KCNT2: variants seen among roughly 807,000 people sequenced by gnomAD.
KCNT2 encodes potassium sodium-activated channel subfamily T member 2.
Under a neutral mutation model 153.8 loss-of-function variants are expected in KCNT2, and 67 were observed. The ratio of observed to expected loss-of-function variants is 0.44; its 90% CI spans 0.36 to 0.53. The LOEUF (loss-of-function observed/expected upper bound fraction) is 0.53, where lower values mean the gene tolerates loss of function less well. Among genes scored for constraint, KCNT2 ranks in the 20% least tolerant of loss-of-function variants. The pLI, the probability that KCNT2 is intolerant of heterozygous loss-of-function variation, is 0.00. For synonymous variants in KCNT2, 500 were observed against 458.8 expected, an observed-to-expected ratio of 1.09 and a Z score of -1.15; for missense variants, 975 against 1,354.8, an observed-to-expected ratio of 0.72 and a Z score of 4.40.
At chr1:196,347,794 A>G (rs1385003656) in intron 14 of KCNT2, among the ~76,000 whole-genome samples, 1 of 152,168 alleles carries the variant, frequency 6.6e-6, no homozygotes, top group Non-Finnish European at 1.5e-5. Flanking sequence ...TCTTATGTCT[A>G]GGATTTTCCA....
intron 1 of KCNT2, among the ~76,000 whole-genome samples, chr1:196,576,214 C>T (rs1488785482): frequency 1.3e-5 from 2 of 151,592 alleles, no homozygotes; most frequent in Non-Finnish European, 2.9e-5. Context: ...TAACTCAAGG[C>T]TAGTAAACAT....
intron 8 of KCNT2, among the ~76,000 whole-genome samples, chr1:196,433,037 A>T (rs921867317): frequency 3.3e-5 from 5 of 152,050 alleles, no homozygotes; most frequent in African/African-American, 1.2e-4. Context: ...CATGAATAGA[A>T]TTAGCAACCT....
At chr1:196,353,471 C>T (rs924151945) in intron 14 of KCNT2, among the ~76,000 whole-genome samples, 13 of 151,980 alleles carry the variant, frequency 8.6e-5, no homozygotes, top group African/African-American at 3.1e-4. Flanking sequence ...CATGAAGGTT[C>T]CTCTCAGCAT....
At chr1:196,567,293 A>G (rs1660228474) in intron 1 of KCNT2, among the ~76,000 whole-genome samples, 1 of 152,010 alleles carries the variant, frequency 6.6e-6, no homozygotes, top group South Asian at 2.1e-4. Context: ...CTACTAGACC[A>G]CTATGCTTTC....
intron 13 of KCNT2, among the ~76,000 whole-genome samples, chr1:196,394,324 A>G (rs1370669409): frequency 6.6e-6 from 1 of 151,572 alleles, no homozygotes; most frequent in African/African-American, 2.4e-5. Context: ...GACTCTTTTG[A>G]AATAGCCTAA....
chr1:196,346,704 T>A (rs1186690933), intron 14 of KCNT2, among the ~76,000 whole-genome samples: 9 of 152,122 alleles, frequency 5.9e-5, no homozygotes, highest in Non-Finnish European at 1.2e-4. Context: ...TGGGATGGAA[T>A]TAAAATAATA....
At chr1:196,253,310 T>C (rs184297993) in intron 26 of KCNT2, among the ~76,000 whole-genome samples, 1 of 151,462 alleles carries the variant, frequency 6.6e-6, no homozygotes, top group Non-Finnish European at 1.5e-5. Flanking sequence ...TGTACATTGA[T>C]AGTTTTTTCT....
At chr1:196,586,532 C>T (rs934457783) in intron 1 of KCNT2, among the ~76,000 whole-genome samples, 5 of 151,934 alleles carry the variant, frequency 3.3e-5, no homozygotes, top group East Asian at 1.9e-4. Flanking sequence ...TATTATTATT[C>T]GTTTCTGTTA....
At chr1:196,439,942 G>A (rs187651732) in intron 8 of KCNT2, among the ~76,000 whole-genome samples, 8 of 151,898 alleles carry the variant, frequency 5.3e-5, no homozygotes, top group Non-Finnish European at 1.0e-4. Flanking sequence ...TAATGCATAC[G>A]GGGCTTAAAA....
chr1:196,601,906 A>T (rs1471393846), intron 1 of KCNT2, among the ~76,000 whole-genome samples: 1 of 152,196 alleles, frequency 6.6e-6, no homozygotes, highest in Non-Finnish European at 1.5e-5. Flanking sequence ...ACATATTGTT[A>T]CCAGTATGGA....
intron 1 of KCNT2, among the ~76,000 whole-genome samples, chr1:196,516,945 A>G (rs1682106446): frequency 6.6e-6 from 1 of 152,100 alleles, no homozygotes; most frequent in Admixed American, 6.5e-5. Flanking sequence ...ATACTTCCTC[A>G]TTGGGTGGGT....
chr1:196,250,617 C>T (rs1186405617), intron 26 of KCNT2, among the ~76,000 whole-genome samples: 1 of 151,976 alleles, frequency 6.6e-6, no homozygotes, highest in Non-Finnish European at 1.5e-5. Context: ...CAAAAATTGA[C>T]AAATGGGATC....
chr1:196,500,330 G>A (rs747435505), intron 1 of KCNT2, among the ~76,000 whole-genome samples: 17 of 149,896 alleles, frequency 1.1e-4, no homozygotes, highest in Non-Finnish European at 2.1e-4. Context: ...GGGAAAGAAA[G>A]AAAAAGAAAC....
In KCNT2 at chr1:196,526,055, G is replaced by GTA. The variant is rs1432402328; in HGVS notation, c.96-33715_96-33714insTA. 1.1e-4 allele frequency among the ~76,000 whole-genome samples: 17 copies of GTA among 149,188 alleles called. 1 individual carries two copies. In the South Asian group the frequency reaches 2.9e-3, roughly 26 times the overall value. On this transcript the variant is annotated intron_variant, in intron 1 of 27. Transcript: ENST00000294725. ...TGTGTGTGTGTGTGTGTGTGTGTGT[G>GTA]TGAATCAGCACACTGAGGGGTACGC...
intron 1 of KCNT2, 61 bp downstream of exon 1, chr1:196,608,154 C>T (rs1665528415): frequency 2.7e-6 from 4 of 1,479,030 alleles, no homozygotes; most frequent in Admixed American, 1.7e-5. Flanking sequence ...CACTTCGGCC[C>T]TCCCATTTCC....
At chr1:196,383,119 G>T (rs1043290896) in intron 13 of KCNT2, among the ~76,000 whole-genome samples, 3 of 152,158 alleles carry the variant, frequency 2.0e-5, no homozygotes, top group African/African-American at 7.2e-5. Flanking sequence ...ATGGAACTGA[G>T]GCACAGGAAG....
intron 26 of KCNT2, chr1:196,257,913 A>C (rs1656656505): frequency 1.0e-6 from 1 of 960,468 alleles, no homozygotes; most frequent in Non-Finnish European, 1.2e-6. Flanking sequence ...ACATGAAAAC[A>C]CAGGGTCTGG....
intron 13 of KCNT2, among the ~76,000 whole-genome samples, chr1:196,386,567 A>C (rs1042453601): frequency 3.2e-4 from 48 of 152,122 alleles, no homozygotes; most frequent in Admixed American, 3.1e-3. Flanking sequence ...CATTTCTTCA[A>C]AGGTAAGTAA....
At chr1:196,351,490 AT>A (rs1666689286) in intron 14 of KCNT2, among the ~76,000 whole-genome samples, 1 of 119,256 alleles carries the variant, frequency 8.4e-6, no homozygotes, top group Non-Finnish European at 2.0e-5. Flanking sequence ...TTCACTCATG[AT>A]TTGGCTCTCT....
Sources: allele counts gnomAD v4.1 joint callset (sites outside exome capture counted in the v4.1 genomes callset), GRCh38; gene constraint gnomAD v4.1.1; transcripts MANE v1.5; gene names NCBI Gene and HGNC (gene_info 2026-07-23, HGNC 2026-07-21).